SNX29: variants seen among roughly 807,000 people sequenced by gnomAD.
SNX29 encodes sorting nexin 29.
In SNX29, 78 loss-of-function variants were observed where a neutral mutation model predicts 102.1. The observed-to-expected ratio is 0.76, with a 90% confidence interval of 0.64 to 0.92. The LOEUF is 0.92. Ranked by LOEUF, SNX29 falls within the 40% of genes least tolerant of loss-of-function variation. The pLI is 0.00. For missense variants in SNX29, 1,280 were observed against 1,061.7 expected (o/e 1.21, Z -2.86); for synonymous variants, 580 against 414.5 (o/e 1.40, Z -4.85).
chr16:12,510,137 A>T (rs1933742379), intron 19 of SNX29, among the ~76,000 whole-genome samples: 1 of 152,166 alleles, frequency 6.6e-6, no homozygotes, highest in South Asian at 2.1e-4. Flanking sequence ...ATCTCCTTTG[A>T]TGTAGCCCAT....
Position 12,573,027 on chromosome 16 carries a change from G to C in SNX29, c.*4398G>C, listed in dbSNP as rs746844325. The C allele has an allele frequency of 3.8e-6, 1 of 265,620 alleles. No individual in the cohort carries two copies. The highest frequency in any genetic ancestry group is 2.2e-5 in the African/African-American group (1 of 45,772). 16.5% of individuals were successfully genotyped at this position (265,620 alleles called of 1,614,324 possible). On this transcript the variant is annotated 3_prime_UTR_variant, in exon 21 of 21. Transcript: ENST00000566228. Reference sequence around the variant, plus strand: ...GTTAAATATTTGCTGTTTTTAGATTGGCGTCCGTGCTAATTCTGCAGTTGT... The same window carrying C: ...GTTAAATATTTGCTGTTTTTAGATTCGCGTCCGTGCTAATTCTGCAGTTGT...
intron 20 of SNX29, among the ~76,000 whole-genome samples, chr16:12,538,576 G>C (rs1390788210): frequency 6.6e-6 from 1 of 152,138 alleles, no homozygotes; most frequent in South Asian, 2.1e-4. Flanking sequence ...AGCTGAGCTG[G>C]CTTCTGTGTC....
chr16:12,563,543 A>G (rs1254865136), intron 20 of SNX29, among the ~76,000 whole-genome samples: 1 of 152,176 alleles, frequency 6.6e-6, no homozygotes, highest in African/African-American at 2.4e-5. Flanking sequence ...GTCTCCCACC[A>G]CTACCTGAGG....
At chr16:12,422,049 A>C (rs73515968) in intron 18 of SNX29, among the ~76,000 whole-genome samples, 2,592 of 151,934 alleles carry the variant, frequency 0.017, 85 homozygotes, top group African/African-American at 0.06. Flanking sequence ...CCTATCATCC[A>C]TATCCTCACC....
At chr16:12,392,810 G>T (rs868798284) in intron 16 of SNX29, among the ~76,000 whole-genome samples, 1 of 152,168 alleles carries the variant, frequency 6.6e-6, no homozygotes, top group African/African-American at 2.4e-5. Context: ...TGGTATGTTT[G>T]TAAAGCAAAT....
intron 20 of SNX29, among the ~76,000 whole-genome samples, chr16:12,543,143 C>A (rs899014153): frequency 1.3e-5 from 2 of 152,130 alleles, no homozygotes; most frequent in African/African-American, 4.8e-5. Context: ...TAGATCCAGG[C>A]CCTGAAGCAT....
chr16:12,452,945 G>T (rs2086371968), intron 18 of SNX29, among the ~76,000 whole-genome samples: 1 of 152,168 alleles, frequency 6.6e-6, no homozygotes, highest in Non-Finnish European at 1.5e-5. Context: ...GAATAATTTA[G>T]AGCTTGGAGG....
intron 18 of SNX29, among the ~76,000 whole-genome samples, chr16:12,464,942 C>G (rs2086984455): frequency 6.6e-6 from 1 of 152,202 alleles, no homozygotes; most frequent in Admixed American, 6.5e-5. Flanking sequence ...AAGGGCCATC[C>G]TAACAGGTGT....
intron 13 of SNX29, among the ~76,000 whole-genome samples, chr16:12,172,275 A>G (rs1424827532): frequency 1.3e-5 from 2 of 152,182 alleles, no homozygotes; most frequent in Non-Finnish European, 2.9e-5. Flanking sequence ...AAGAAAAAGA[A>G]GGGAGGAGGA....
At chr16:12,364,209 T>TTATGTTATGTTATGTTA (rs2082390469) in intron 16 of SNX29, among the ~76,000 whole-genome samples, 1 of 150,080 alleles carries the variant, frequency 6.7e-6, no homozygotes, top group Non-Finnish European at 1.5e-5. Context: ...TTATGTTATG[T>TTATGTTATGTTATGTTA]TATGTTATTT....
chr16:12,217,630 T>A (rs538041574), intron 14 of SNX29, among the ~76,000 whole-genome samples: 1 of 152,336 alleles, frequency 6.6e-6, no homozygotes, highest in South Asian at 2.1e-4. Context: ...AGCAGTAAGA[T>A]GGCCAGCTGC....
rs894414928 is a variant in SNX29 at position 12,028,225 on chromosome 16, C to A, written c.247+781C>A. ...TCTTTGGCTGGTTCCCCTTTCACAG[C>A]CAAAAGTTGGACCTTGTTGCATTTG... On this transcript the variant is annotated intron_variant, in intron 4 of 20. Transcript: ENST00000566228. Among the ~76,000 whole-genome samples, 11 of 152,284 alleles carry A rather than the reference C, an allele frequency of 7.2e-5. No individual in the cohort carries two copies. The East Asian group carries it at 2.1e-3, about 29-fold the overall frequency.
chr16:12,555,114 G>A lies in SNX29; in HGVS notation c.2319-13392G>A, dbSNP rs58528663. On this transcript the variant is annotated intron_variant, in intron 20 of 20. Transcript: ENST00000566228. ...AAAGGGCCAATCAGGGACAATCTCA[G>A]AGTATCAAAAGGCTTATTCTCAGAC... Among the ~76,000 whole-genome samples the A allele has an allele frequency of 8.2e-3, 1,002 of 122,644 alleles. 12 individuals are homozygous for A. Among genetic ancestry groups the A allele is most frequent in the African/African-American group, 0.023 (956 of 40,806 alleles). The allele number at this position is 122,644 out of a possible 152,430, so 80.5% of individuals were successfully genotyped here.
intron 3 of SNX29, among the ~76,000 whole-genome samples, chr16:12,009,109 G>T (rs1193322620): frequency 6.6e-6 from 1 of 152,090 alleles, no homozygotes; most frequent in Non-Finnish European, 1.5e-5. Context: ...AACTGTGATG[G>T]AGCTTTCCAT....
chr16:12,546,273 C>A (rs1260802818), intron 20 of SNX29: 2 of 152,192 alleles, frequency 1.3e-5, no homozygotes, highest in Non-Finnish European at 2.9e-5. Flanking sequence ...CTGTATTAGT[C>A]CGTTTTCACA....
intron 1 of SNX29, among the ~76,000 whole-genome samples, chr16:11,983,895 G>T (rs1157738658): frequency 6.6e-6 from 1 of 152,166 alleles, no homozygotes; most frequent in Non-Finnish European, 1.5e-5. Context: ...CCCCAAGGGG[G>T]TGAACACTGG....
In SNX29 at chr16:12,551,637, A is replaced by G. The variant is rs191566774; in HGVS notation, c.2319-16869A>G. On this transcript the variant is annotated intron_variant, in intron 20 of 20. Transcript: ENST00000566228. ...CTGAGTCTGAGGCATCAACCCAGCAAGTATTTTCTGAGCTTTGGTTTCCGT... is the reference window on the plus strand; with the variant it reads ...CTGAGTCTGAGGCATCAACCCAGCAGGTATTTTCTGAGCTTTGGTTTCCGT... 6.7e-4 allele frequency among the ~76,000 whole-genome samples: 102 copies of G among 152,308 alleles called. 1 individual carries two copies. In the Middle Eastern group the frequency reaches 0.01, roughly 15 times the overall value.
intron 14 of SNX29, among the ~76,000 whole-genome samples, chr16:12,233,234 T>C (rs1247565465): frequency 1.3e-5 from 2 of 152,200 alleles, no homozygotes; most frequent in South Asian, 2.1e-4. Flanking sequence ...GTGGTACATA[T>C]ACACTATGGG....
intron 14 of SNX29, among the ~76,000 whole-genome samples, chr16:12,252,145 G>A (rs1334208896): frequency 1.3e-5 from 2 of 152,172 alleles, no homozygotes; most frequent in Non-Finnish European, 2.9e-5. Flanking sequence ...GCTCTTACCA[G>A]CTTTCCCCAA....
Sources: gnomAD v4.1 joint callset for allele counts (sites outside exome capture counted in the v4.1 genomes callset) on GRCh38, gnomAD v4.1.1 for gene constraint, MANE v1.5 for transcripts, NCBI Gene and HGNC (gene_info 2026-07-23, HGNC 2026-07-21) for gene names.